The following RB1 variants were observed in gnomAD, a reference collection of about 807,000 sequenced individuals.
The protein encoded by RB1 is retinoblastoma-associated protein.
Under a neutral mutation model 135.4 loss-of-function variants are expected in RB1, and 18 were observed. The ratio of observed to expected loss-of-function variants is 0.13; its 90% CI spans 0.09 to 0.20. The LOEUF (loss-of-function observed/expected upper bound fraction) is 0.20, where lower values mean the gene tolerates loss of function less well. Ranked by LOEUF, RB1 falls within the 10% of genes least tolerant of loss-of-function variation. RB1 has a pLI of 1.00. For synonymous variants in RB1, 365 were observed against 373.2 expected, an observed-to-expected ratio of 0.98 and a Z score of 0.25; for missense variants, 868 against 1,110.0, an observed-to-expected ratio of 0.78 and a Z score of 3.10.
At chr13:48,359,153 A>G (rs1378095213) in intron 6 of RB1, among the ~76,000 whole-genome samples, 1 of 152,026 alleles carries the variant, frequency 6.6e-6, no homozygotes, top group Non-Finnish European at 1.5e-5. Flanking sequence ...GCAAATTTGT[A>G]ATAGCTGTGT....
intron 17 of RB1, among the ~76,000 whole-genome samples, chr13:48,443,625 T>TTTTGC (rs1949259402): frequency 6.6e-6 from 1 of 152,172 alleles, no homozygotes; most frequent in African/African-American, 2.4e-5. Flanking sequence ...AAAAGACACA[T>TTTTGC]CATTCTATTT....
intron 17 of RB1, among the ~76,000 whole-genome samples, chr13:48,438,594 G>T (rs1949206648): frequency 6.6e-6 from 1 of 151,364 alleles, no homozygotes; most frequent in Admixed American, 6.6e-5. Flanking sequence ...TAGCATAAAA[G>T]TTCAAAACAA....
chr13:48,314,538 G>T (rs151293722), intron 2 of RB1, among the ~76,000 whole-genome samples: 8 of 152,202 alleles, frequency 5.3e-5, no homozygotes, highest in Non-Finnish European at 1.2e-4. Context: ...GGAGGCTCAC[G>T]CCTGTAATCT....
chr13:48,466,124 GAC>G (rs1949442086), intron 23 of RB1, among the ~76,000 whole-genome samples: 4 of 149,368 alleles, frequency 2.7e-5, no homozygotes, highest in Admixed American at 2.7e-4. Flanking sequence ...CAAACAAAAA[GAC>G]AGCAGTAACC....
At chr13:48,453,160 T>TA (rs771760284) in intron 18 of RB1, 49 bp downstream of exon 18, 2 of 1,507,784 alleles carry the variant, frequency 1.3e-6, no homozygotes, top group African/African-American at 2.7e-5. Flanking sequence ...AAATAGATTT[T>TA]AAGCATAAGT....
At chr13:48,322,469 T>TA (rs1472674565) in intron 2 of RB1, among the ~76,000 whole-genome samples, 2 of 152,224 alleles carry the variant, frequency 1.3e-5, no homozygotes, top group African/African-American at 4.8e-5. Flanking sequence ...TAATGTCATT[T>TA]GCAAATAGAG....
At chr13:48,317,474 GGAAGCCCCGGCT>G (rs1952195917) in intron 2 of RB1, 2 of 438,054 alleles carry the variant, frequency 4.6e-6, no homozygotes. Context: ...CTAGGGGTCA[GGAAGCCCCGGCT>G]CCCGCAGCCC....
intron 17 of RB1, among the ~76,000 whole-genome samples, chr13:48,432,855 A>T (rs1257468991): frequency 6.6e-6 from 1 of 152,170 alleles, no homozygotes; most frequent in African/African-American, 2.4e-5. Context: ...AATAAAATTA[A>T]AAGGAAAAAA....
intron 19 of RB1, among the ~76,000 whole-genome samples, chr13:48,459,397 G>A (rs1464232380): frequency 6.6e-6 from 1 of 152,094 alleles, no homozygotes; most frequent in Non-Finnish European, 1.5e-5. Context: ...CTGGATATTT[G>A]CCCAACTGGA....
At chr13:48,338,384 A>G (rs1421619158) in intron 2 of RB1, among the ~76,000 whole-genome samples, 4 of 151,134 alleles carry the variant, frequency 2.6e-5, no homozygotes, top group African/African-American at 7.3e-5. Context: ...GTTTCTTTTT[A>G]CTCTTTTTTC....
At chr13:48,382,015 G>A (rs1948540177) in intron 17 of RB1, among the ~76,000 whole-genome samples, 1 of 152,116 alleles carries the variant, frequency 6.6e-6, no homozygotes, top group Non-Finnish European at 1.5e-5. Context: ...TCCCTACAAA[G>A]GACATGAACT....
At chr13:48,436,295 C>T (rs899033945) in intron 17 of RB1, among the ~76,000 whole-genome samples, 1 of 152,146 alleles carries the variant, frequency 6.6e-6, no homozygotes, top group African/African-American at 2.4e-5. Context: ...GGATCTAGAA[C>T]TTGAAAGCAT....
At chr13:48,456,763 C>T (rs529135722) in intron 19 of RB1, among the ~76,000 whole-genome samples, 5 of 152,346 alleles carry the variant, frequency 3.3e-5, no homozygotes, top group South Asian at 2.1e-4. Flanking sequence ...TGCAGCGGGG[C>T]GGGCAGCTCC....
At position 48,474,933 on chromosome 13, in the gene RB1, C is replaced by T. The variant is rs140860180; in HGVS notation, c.2520+1543C>T. Among the ~76,000 whole-genome samples the T allele has an allele frequency of 4.0e-3, 614 of 152,148 alleles. 15 individuals carry two copies. The highest frequency in any genetic ancestry group is 8.8e-4 in the Non-Finnish European group (60 of 67,990). ...TTTTATTTTTAGAGACAGTGTCTCA[C>T]TCTGTCACCTACTTATTATAACCTC... On this transcript the variant is annotated intron_variant, in intron 24 of 26. Transcript: ENST00000267163.
chr13:48,447,159 C>T (rs868259117), intron 17 of RB1, among the ~76,000 whole-genome samples: 2 of 152,122 alleles, frequency 1.3e-5, no homozygotes, highest in Admixed American at 6.5e-5. Flanking sequence ...AATGATGACT[C>T]CTTGTCTTTT....
In RB1 at chr13:48,319,329, T is replaced by C; in HGVS notation, c.264+11923T>C. On this transcript the variant is annotated intron_variant, in intron 2 of 26. Coordinates refer to ENST00000267163, the MANE Select transcript of RB1 (RefSeq NM_000321.3). This position sits in a 1 kb window ranked among gnomAD's most constrained non-coding sequence, Gnocchi z 5.0. Reference sequence around the variant, plus strand: ...CCGGCGCTGGGCCCTCTGGGGCAGGTCCCCGTTGGCCTCCTTGCGTGTTTG... The same window carrying C: ...CCGGCGCTGGGCCCTCTGGGGCAGGCCCCCGTTGGCCTCCTTGCGTGTTTG... The C allele has an allele frequency of 3.6e-6, 2 of 560,266 alleles. No individual in the cohort carries two copies. Among genetic ancestry groups the C allele is most frequent in the Non-Finnish European group, 3.1e-6 (1 of 320,552 alleles). 34.7% of individuals were successfully genotyped at this position (560,266 alleles called of 1,614,324 possible).
At chr13:48,341,638 A>G (rs1420086026) in intron 2 of RB1, among the ~76,000 whole-genome samples, 3 of 151,964 alleles carry the variant, frequency 2.0e-5, no homozygotes, top group African/African-American at 7.2e-5. Context: ...TAAGTTGTAA[A>G]ATATTTACAT....
At chr13:48,434,891 A>G (rs1949167462) in intron 17 of RB1, among the ~76,000 whole-genome samples, 2 of 152,248 alleles carry the variant, frequency 1.3e-5, no homozygotes, top group South Asian at 4.1e-4. Context: ...TGCATGTATC[A>G]ATAGTTCATA....
intron 11 of RB1, 30 bp downstream of exon 11, chr13:48,368,634 A>G: frequency 1.9e-6 from 3 of 1,601,736 alleles, no homozygotes; most frequent in Non-Finnish European, 2.6e-6. Flanking sequence ...TAATTATATT[A>G]TAATTTTGTT....
Sources: gnomAD v4.1 joint callset for allele counts (sites outside exome capture counted in the v4.1 genomes callset) on GRCh38, gnomAD v4.1.1 for gene constraint, Gnocchi (gnomAD v3.1) non-coding constraint, MANE v1.5 for transcripts, NCBI Gene and HGNC (gene_info 2026-07-23, HGNC 2026-07-21) for gene names.